Variants in ARVCF observed in about 807,000 individuals in gnomAD.
The protein encoded by ARVCF is ARVCF delta catenin family member, also known as splicing regulator ARVCF.
A neutral mutation model predicts 90.9 loss-of-function variants in ARVCF; 66 were observed. The observed-to-expected ratio is 0.73, with a 90% CI of 0.60 to 0.89. ARVCF has a LOEUF of 0.89. Ranked by LOEUF, ARVCF falls within the 40% of genes least tolerant of loss-of-function variation. The pLI, the probability that ARVCF is intolerant of heterozygous loss-of-function variation, is 0.00. For synonymous variants in ARVCF, 653 were observed against 603.4 expected (o/e 1.08, Z -1.21); for missense variants, 1,469 against 1,382.3 (o/e 1.06, Z -1.00).
rs1738420185 is a variant in ARVCF at position 19,970,467 on chromosome 22, G to A, written c.*289C>T. ...GCACCCTTCCCTGCCACCTCCCTGGGCCCTGCCCCAGCAGCCCAGTCGGCC... is the reference window on the plus strand; with the variant it reads ...GCACCCTTCCCTGCCACCTCCCTGGACCCTGCCCCAGCAGCCCAGTCGGCC... On this transcript the variant is annotated 3_prime_UTR_variant, in exon 20 of 20. Coordinates refer to ENST00000263207, the MANE Select transcript of ARVCF (RefSeq NM_001670.3). The A allele has an allele frequency of 5.4e-6, 6 of 1,113,046 alleles. No homozygotes were observed. Among genetic ancestry groups the A allele is most frequent in the East Asian group, 7.4e-5 (1 of 13,566 alleles). The allele number at this position is 1,113,046 out of a possible 1,614,324, so 68.9% of individuals were successfully genotyped here.
In ARVCF at chr22:19,977,772, G is replaced by A. The variant is rs117359238; in HGVS notation, c.1698+186C>T. Reference sequence around the variant, plus strand: ...CATGGGAGGAAGCCTCTGCCCTCACGGCACACCTTCTGCCTGCAGGACGGT... The same window carrying A: ...CATGGGAGGAAGCCTCTGCCCTCACAGCACACCTTCTGCCTGCAGGACGGT... On this transcript the variant is annotated intron_variant, in intron 8 of 19. Coordinates refer to ENST00000263207, the MANE Select transcript of ARVCF (RefSeq NM_001670.3). 6.1e-4 allele frequency among the ~76,000 whole-genome samples: 93 copies of A among 152,328 alleles called. 2 individuals carry two copies. The East Asian group carries it at 0.015, about 24-fold the overall frequency.
rs7288060 is a variant in ARVCF, at chr22:19,971,187, T to C, written c.*12+29A>G. The C allele has an allele frequency of 1.0e-5, 16 of 1,551,270 alleles. No homozygotes were observed. In the African/African-American group the frequency reaches 2.2e-4, roughly 21 times the overall value. On this transcript the variant is annotated intron_variant, in intron 19 of 19. Transcript: ENST00000263207. ...CCCTGGCCCAGAGGGCAGGAACAGG[T>C]GGACGAACAACCAGATGAGAGAACG...
At chr22:20,011,493 C>T (rs546168431) in intron 1 of ARVCF, among the ~76,000 whole-genome samples, 31 of 152,244 alleles carry the variant, frequency 2.0e-4, no homozygotes, top group African/African-American at 7.0e-4. Context: ...GTTTCCCCGT[C>T]TCACGACAGC....
intron 2 of ARVCF, among the ~76,000 whole-genome samples, chr22:20,009,813 T>C (rs553309734): frequency 6.6e-6 from 1 of 152,188 alleles, no homozygotes; most frequent in Admixed American, 6.5e-5. Flanking sequence ...CAAACACAGA[T>C]AACACCTGAG....
At chr22:20,004,858 C>T (rs1021107454) in intron 2 of ARVCF, among the ~76,000 whole-genome samples, 6 of 152,268 alleles carry the variant, frequency 3.9e-5, no homozygotes, top group South Asian at 4.1e-4. Flanking sequence ...TGAACTCACA[C>T]CCTTACCTTA....
Position 19,981,645 on chromosome 22 carries a change from T to TG in ARVCF, c.461dup (p.Leu155ThrfsTer70), listed in dbSNP as rs1319412572. 2.5e-6 allele frequency: 4 copies of TG among 1,609,550 alleles called. No homozygotes were observed. Among genetic ancestry groups the TG allele is most frequent in the South Asian group, 2.2e-5 (2 of 90,934 alleles). On this transcript the variant is annotated frameshift_variant, in exon 5 of 20. Transcript: ENST00000263207. LOFTEE classifies it high-confidence loss of function. ...GGGCACCATCTGCAAAAGGGCCTAG[T>TG]GGGGGGCCGCCATCCAGCAGGGGGA...
downstream of ARVCF, chr22:19,968,433 A>G: frequency 8.9e-7 from 1 of 1,129,254 alleles, no homozygotes. Flanking sequence ...GGCTAGGCAC[A>G]GGCGTGGTGC....
chr22:20,000,874 C>T (rs999421053), intron 2 of ARVCF, among the ~76,000 whole-genome samples: 1 of 152,124 alleles, frequency 6.6e-6, no homozygotes, highest in Non-Finnish European at 1.5e-5. Flanking sequence ...CTTGGACTTC[C>T]CAGCCTCCAG....
chr22:19,971,923 C>G lies in ARVCF; in HGVS notation c.2744G>C (p.Ser915Thr). ...DRRERRPRGA[S>T]SAGEASEKEP... is the part of the protein sequence containing the mutation. Reference sequence around the variant, plus strand: ...CTTCTCAGAGGCCTCTCCTGCAGAGCTGGCGCCCCGTGGCCTCCGCTCCCT... The same window carrying G: ...CTTCTCAGAGGCCTCTCCTGCAGAGGTGGCGCCCCGTGGCCTCCGCTCCCT... Residue 915 changes from serine (S) to threonine (T), a missense_variant, in exon 18 of 20, where the codon AGC becomes ACC. Transcript: ENST00000263207. The G allele has an allele frequency of 1.2e-6, 2 of 1,613,146 alleles. No homozygotes were observed. The highest frequency in any genetic ancestry group is 1.1e-5 in the South Asian group (1 of 91,088).
chr22:19,992,716 T>G (rs1392115555), intron 2 of ARVCF, among the ~76,000 whole-genome samples: 1 of 152,190 alleles, frequency 6.6e-6, no homozygotes, highest in Non-Finnish European at 1.5e-5. Context: ...ACTGGCCTCA[T>G]GGACCTGGGG....
chr22:20,002,297 G>A lies in ARVCF; in HGVS notation c.-19+8158C>T, dbSNP rs577533504. ...AGGAGGGTGCCCAGCTCTGACCTGC[G>A]GGCTGTGCTGAAGCCTGGGCCTCTC... On this transcript the variant is annotated intron_variant, in intron 2 of 19. Coordinates refer to ENST00000263207, the MANE Select transcript of ARVCF (RefSeq NM_001670.3). Among the ~76,000 whole-genome samples the A allele has an allele frequency of 3.3e-5, 5 of 152,222 alleles. No homozygotes were observed. In the East Asian group the frequency reaches 5.8e-4, roughly 18 times the overall value.
In ARVCF at chr22:19,977,961, G is replaced by C. The variant is rs752067208; in HGVS notation, c.1695C>G (p.Asn565Lys). 1.7e-5 allele frequency: 28 copies of C among 1,605,166 alleles called. 1 individual carries two copies. The South Asian group carries it at 2.6e-4, about 15-fold the overall frequency. ...GGCTGTGACCGTCCCTGCCCACCTT[G>C]TTGTCAGTGTCCTTCCGGCCCACAG... ...QSAVGRKDTDNKSVENCVCIM... is the reference protein window; with the variant it reads ...QSAVGRKDTDKKSVENCVCIM... The change falls in exon 8 of 20, where the codon AAC (asparagine) becomes AAG (lysine). Residue 565 changes from asparagine (N) to lysine (K), a missense_variant. Transcript: ENST00000263207.
At position 19,982,034 on chromosome 22, in the gene ARVCF, G is replaced by A. The variant is rs2146321213; in HGVS notation, c.268C>T (p.Leu90=). The A allele has an allele frequency of 6.2e-7, 1 of 1,612,944 alleles. No homozygotes were observed. The highest frequency in any genetic ancestry group is 8.5e-7 in the Non-Finnish European group (1 of 1,179,982). The change falls in exon 4 of 20, where the codon CTG becomes TTG. Residue 90 remains leucine, a synonymous_variant. Transcript: ENST00000263207. ...LATMPEAPDV[L]EETVTVEEDP... ...TCCTCCACCGTCACGGTCTCCTCCA[G>A]CACATCAGGTGCCTCCGGCATCGTG...
In ARVCF at chr22:19,971,346, CG is replaced by C; in HGVS notation, c.2782-12del. The C allele has an allele frequency of 6.5e-7, 1 of 1,549,200 alleles. No homozygotes were observed. The highest frequency in any genetic ancestry group is 1.2e-5 in the South Asian group (1 of 84,178). The stretch of plus-strand genomic sequence containing the variant: ...CCTGCTGGGGTCGAGCTGCAGCGCA[CG>C]GGTGGGCATTAGAGGCACAATAGAG... On this transcript the variant is annotated splice_polypyrimidine_tract_variant and intron_variant, in intron 18 of 19. Transcript: ENST00000263207.
In ARVCF at chr22:19,973,133, A is replaced by C. The variant is rs2146242376; in HGVS notation, c.2424T>G (p.Ala808=). ...LQARGVPALV[A]LVASSQSVRE... is the part of the protein sequence containing the mutation. ...CCCCTCCACACCTGGAGGCCACGAG[A>C]GCCACCAACGCTGGCACCCCGCGTG... is the stretch of plus-strand genomic sequence containing the variant. Residue 808 remains alanine (A), a synonymous_variant, in exon 14 of 20, where the codon GCT becomes GCG. Coordinates refer to ENST00000263207, the MANE Select transcript of ARVCF (RefSeq NM_001670.3). 3.7e-6 allele frequency: 6 copies of C among 1,603,718 alleles called. No individual in the cohort carries two copies. The highest frequency in any genetic ancestry group is 5.1e-6 in the Non-Finnish European group (6 of 1,176,118).
chr22:20,005,454 G>T (rs2146468558), intron 2 of ARVCF, among the ~76,000 whole-genome samples: 1 of 151,930 alleles, frequency 6.6e-6, no homozygotes, highest in Non-Finnish European at 1.5e-5. Flanking sequence ...AGATCAGTAT[G>T]GCAATTCCTC....
chr22:19,971,238 G>A lies in ARVCF; in HGVS notation c.2879C>T (p.Ser960Phe), dbSNP rs747572063. ...VGDAKPQPVD[S>F]WV Reference sequence around the variant, plus strand: ...TACCAGGCATGCAAGCTAGACCCAGGAATCAACGGGCTGAGGCTTAGCGTC... The same window carrying A: ...TACCAGGCATGCAAGCTAGACCCAGAAATCAACGGGCTGAGGCTTAGCGTC... Residue 960 changes from serine to phenylalanine, a missense_variant, in exon 19 of 20, where the codon TCC (serine) becomes TTC (phenylalanine). Physicochemically the swap from Ser to Phe is radical, Grantham distance 155 (BLOSUM62 -2). Transcript: ENST00000263207. The A allele has an allele frequency of 5.8e-6, 9 of 1,554,636 alleles. No homozygotes were observed. The highest frequency in any genetic ancestry group is 3.9e-5 in the Admixed American group (2 of 51,514).
intron 2 of ARVCF, among the ~76,000 whole-genome samples, chr22:19,994,844 G>A (rs576617727): frequency 8.1e-5 from 12 of 148,472 alleles, no homozygotes; most frequent in Middle Eastern, 3.5e-3. Context: ...GATGGTAGGC[G>A]ATGGACAGAG....
At chr22:19,989,790 C>A (rs1421918940) in intron 3 of ARVCF, among the ~76,000 whole-genome samples, 1 of 152,008 alleles carries the variant, frequency 6.6e-6, no homozygotes, top group Non-Finnish European at 1.5e-5. Flanking sequence ...CAGGAGGCAA[C>A]CCCCCCAGCC....
Sources: allele counts gnomAD v4.1 joint callset (sites outside exome capture counted in the v4.1 genomes callset), GRCh38; gene constraint gnomAD v4.1.1; transcripts MANE v1.5; gene names NCBI Gene and HGNC (gene_info 2026-07-23, HGNC 2026-07-21).